The following EFCAB6 variants were observed in gnomAD, a reference collection of about 807,000 sequenced individuals.
EFCAB6 encodes EF-hand calcium-binding domain-containing protein 6.
EFCAB6 carries 156 observed loss-of-function variants against 169.8 expected under a neutral mutation model. The ratio of observed to expected loss-of-function variants is 0.92; its 90% confidence interval spans 0.81 to 1.05. The LOEUF (loss-of-function observed/expected upper bound fraction) is 1.05. Ranked by LOEUF, EFCAB6 falls within the 50% of genes least tolerant of loss-of-function variation. The pLI is 0.00. For missense variants in EFCAB6, 1,800 were observed against 1,829.1 expected, an observed-to-expected ratio of 0.98 and a Z score of 0.29; for synonymous variants, 698 against 676.4, an observed-to-expected ratio of 1.03 and a Z score of -0.50.
intron 10 of EFCAB6, among the ~76,000 whole-genome samples, chr22:43,702,648 G>T (rs571085413): frequency 1.3e-5 from 2 of 152,234 alleles, no homozygotes; most frequent in South Asian, 4.2e-4. Flanking sequence ...GAAATGGCAT[G>T]GCTAGACCAT....
chr22:43,706,524 T>G (rs1300034684), intron 10 of EFCAB6, among the ~76,000 whole-genome samples: 1 of 152,224 alleles, frequency 6.6e-6, no homozygotes, highest in Non-Finnish European at 1.5e-5. Flanking sequence ...AATGAGTCTT[T>G]GGTATCCAGC....
At chr22:43,636,800 C>CG (rs1398060912) in intron 17 of EFCAB6, among the ~76,000 whole-genome samples, 4 of 151,458 alleles carry the variant, frequency 2.6e-5, no homozygotes, top group Admixed American at 2.6e-4. Context: ...TTAGTAGAGA[C>CG]GGGGTTTCAC....
chr22:43,784,639 G>GTA (rs761579833), intron 2 of EFCAB6, among the ~76,000 whole-genome samples: 16 of 32,672 alleles, frequency 4.9e-4, no homozygotes, highest in Non-Finnish European at 7.5e-4. Context: ...ATATGTATAT[G>GTA]TACACATATA....
At chr22:43,557,067 C>A (rs567323199) in intron 26 of EFCAB6, among the ~76,000 whole-genome samples, 3 of 152,242 alleles carry the variant, frequency 2.0e-5, no homozygotes, top group East Asian at 3.9e-4. Context: ...GAGGACAGGG[C>A]CTCACGTAAA....
intron 4 of EFCAB6, among the ~76,000 whole-genome samples, chr22:43,769,277 T>A (rs2147951436): frequency 6.6e-6 from 1 of 152,302 alleles, no homozygotes; most frequent in South Asian, 2.1e-4. Flanking sequence ...ATATCCAGAA[T>A]CTATAATGAC....
chr22:43,723,384 G>C (rs2059607223), intron 8 of EFCAB6, among the ~76,000 whole-genome samples: 1 of 152,120 alleles, frequency 6.6e-6, no homozygotes, highest in South Asian at 2.1e-4. Context: ...CTCACTACCT[G>C]GGTGCAGTAT....
At position 43,608,515 on chromosome 22, in the gene EFCAB6, AG is replaced by A. The variant is rs2053079184; in HGVS notation, c.2647del (p.Leu883SerfsTer63). The A allele has an allele frequency of 6.2e-7, 1 of 1,614,084 alleles. No individual in the cohort carries two copies. The highest frequency in any genetic ancestry group is 8.5e-7 in the Non-Finnish European group (1 of 1,180,044). On this transcript the variant is annotated frameshift_variant, in exon 22 of 32. Coordinates refer to ENST00000262726, the MANE Select transcript of EFCAB6 (RefSeq NM_022785.4). LOFTEE classifies it high-confidence loss of function. ...AAGCTTTTCAAACTCTCTTGGTGTGAGGGGAATATCAAAACCGTACAGTGCG... is the reference window on the plus strand; with the variant it reads ...AAGCTTTTCAAACTCTCTTGGTGTGAGGGAATATCAAAACCGTACAGTGCG... ...KNALYGFDIP[L>X]TPREFEKLWA...
At chr22:43,733,632 T>C (rs968977509) in intron 7 of EFCAB6, among the ~76,000 whole-genome samples, 3 of 152,206 alleles carry the variant, frequency 2.0e-5, no homozygotes, top group Non-Finnish European at 4.4e-5. Context: ...TCAGCCCTAC[T>C]ATGTGCAAGC....
chr22:43,629,888 C>T (rs1209701329), intron 19 of EFCAB6, among the ~76,000 whole-genome samples: 1 of 152,134 alleles, frequency 6.6e-6, no homozygotes, highest in Non-Finnish European at 1.5e-5. Context: ...ATGGATGAGA[C>T]AATCCTGCGA....
intron 3 of EFCAB6, among the ~76,000 whole-genome samples, chr22:43,781,636 C>T (rs1010531486): frequency 4.6e-5 from 7 of 152,086 alleles, no homozygotes; most frequent in South Asian, 2.1e-4. Context: ...GGTCAATACA[C>T]GGCATTTTAT....
intron 3 of EFCAB6, among the ~76,000 whole-genome samples, chr22:43,776,530 A>G (rs1325324066): frequency 6.6e-6 from 1 of 152,234 alleles, no homozygotes. Context: ...GGGATGGTCA[A>G]GGAAGTCTGC....
intron 6 of EFCAB6, among the ~76,000 whole-genome samples, chr22:43,751,502 T>G (rs904144289): frequency 2.6e-5 from 4 of 152,210 alleles, no homozygotes; most frequent in Non-Finnish European, 5.9e-5. Context: ...GAGGAAGCTG[T>G]CTGAGGTCTC....
At chr22:43,665,419 C>T (rs891432914) in intron 17 of EFCAB6, among the ~76,000 whole-genome samples, 3 of 152,174 alleles carry the variant, frequency 2.0e-5, no homozygotes, top group African/African-American at 7.2e-5. Context: ...CTAAGATAGT[C>T]ACTTTCCACT....
chr22:43,670,250 A>C (rs2057430554), intron 15 of EFCAB6, among the ~76,000 whole-genome samples: 1 of 152,200 alleles, frequency 6.6e-6, no homozygotes, highest in Non-Finnish European at 1.5e-5. Flanking sequence ...AAAATGTCTC[A>C]GTTTTAATTT....
chr22:43,747,245 GTTC>G (rs1465333494), intron 6 of EFCAB6, among the ~76,000 whole-genome samples: 2 of 152,172 alleles, frequency 1.3e-5, no homozygotes, highest in African/African-American at 2.4e-5. Flanking sequence ...CCAAACACAA[GTTC>G]TTCTGGATCT....
intron 24 of EFCAB6, among the ~76,000 whole-genome samples, chr22:43,586,525 C>T (rs905932471): frequency 6.6e-6 from 1 of 151,734 alleles, no homozygotes; most frequent in African/African-American, 2.4e-5. Flanking sequence ...AAGAGTCATG[C>T]ATTCTGTCAG....
intron 23 of EFCAB6, among the ~76,000 whole-genome samples, chr22:43,593,790 A>G (rs918108323): frequency 1.7e-4 from 26 of 152,232 alleles, no homozygotes; most frequent in African/African-American, 6.0e-4. Flanking sequence ...AATGACAGAC[A>G]GGAGACAGAC....
At chr22:43,784,629 A>G (rs1311391288) in intron 2 of EFCAB6, among the ~76,000 whole-genome samples, 1 of 75,630 alleles carries the variant, frequency 1.3e-5, no homozygotes, top group Non-Finnish European at 2.9e-5. Context: ...ATACACATAT[A>G]TATGTATATG....
intron 11 of EFCAB6, 27 bp from the exon 12 acceptor site, chr22:43,683,882 G>C (rs765746360): frequency 9.7e-5 from 148 of 1,529,962 alleles, no homozygotes; most frequent in Non-Finnish European, 1.4e-5. Flanking sequence ...AGAAAAGCAG[G>C]AATAAGATTA....
Sources: gnomAD v4.1 joint callset for allele counts (sites outside exome capture counted in the v4.1 genomes callset) on GRCh38, gnomAD v4.1.1 for gene constraint, MANE v1.5 for transcripts, NCBI Gene and HGNC (gene_info 2026-07-23, HGNC 2026-07-21) for gene names.